The following TBC1D22A variants were observed in gnomAD, a reference collection of about 807,000 sequenced individuals.
TBC1D22A encodes the protein putative GTPase activator.
In TBC1D22A, 38 loss-of-function variants were observed where a neutral mutation model predicts 60.2. The ratio of observed to expected loss-of-function variants is 0.63; its 90% CI spans 0.49 to 0.83. The LOEUF is 0.83. Among genes scored for constraint, TBC1D22A ranks in the 40% least tolerant of loss-of-function variants. TBC1D22A has a pLI of 0.00. For missense variants in TBC1D22A, 628 were observed against 701.0 expected, an observed-to-expected ratio of 0.90 and a Z score of 1.18; for synonymous variants, 302 against 281.7, an observed-to-expected ratio of 1.07 and a Z score of -0.72.
At chr22:46,932,972 C>T (rs963656824) in intron 8 of TBC1D22A, among the ~76,000 whole-genome samples, 1 of 152,126 alleles carries the variant, frequency 6.6e-6, no homozygotes, top group African/African-American at 2.4e-5. Flanking sequence ...ATCCGCCTGC[C>T]TTGGCCTCCC....
rs139546374 is a variant in TBC1D22A, at chr22:46,874,722, T to C, written c.638-3931T>C. On this transcript the variant is annotated intron_variant, in intron 4 of 12. Coordinates refer to ENST00000337137, the MANE Select transcript of TBC1D22A (RefSeq NM_014346.5). Reference sequence around the variant, plus strand: ...CCAAGTAGCTGGGATTACAGGTGCATGCCACCACGCCTGGCTAATTTTTCT... The same window carrying C: ...CCAAGTAGCTGGGATTACAGGTGCACGCCACCACGCCTGGCTAATTTTTCT... 7.3e-4 allele frequency among the ~76,000 whole-genome samples: 111 copies of C among 151,852 alleles called. No homozygotes were observed. In the East Asian group the frequency reaches 0.019, roughly 25 times the overall value.
intron 11 of TBC1D22A, among the ~76,000 whole-genome samples, chr22:47,046,405 C>T (rs1267478656): frequency 6.6e-6 from 1 of 152,204 alleles, no homozygotes; most frequent in Non-Finnish European, 1.5e-5. Flanking sequence ...CTTTGGGCCC[C>T]AGAGTCCCTG....
intron 11 of TBC1D22A, among the ~76,000 whole-genome samples, chr22:47,069,909 GC>G (rs201274084): frequency 0.079 from 6,303 of 79,810 alleles, 403 homozygotes; most frequent in African/African-American, 0.13. Flanking sequence ...GACGGTTCCA[GC>G]GCTGTCCCCT....
chr22:47,148,596 C>T (rs568376840), intron 12 of TBC1D22A, among the ~76,000 whole-genome samples: 3 of 151,318 alleles, frequency 2.0e-5, no homozygotes, highest in Admixed American at 6.6e-5. Context: ...GGCTCCTCTC[C>T]TGGGGCCCTT....
At chr22:46,866,807 G>A (rs1433468058) in intron 4 of TBC1D22A, among the ~76,000 whole-genome samples, 2 of 152,224 alleles carry the variant, frequency 1.3e-5, no homozygotes, top group East Asian at 1.9e-4. Flanking sequence ...GGCTGTGCTA[G>A]TGCAGCAGGC....
chr22:47,144,489 C>T (rs2067219050), intron 12 of TBC1D22A, among the ~76,000 whole-genome samples: 1 of 152,272 alleles, frequency 6.6e-6, no homozygotes, highest in Non-Finnish European at 1.5e-5. Flanking sequence ...GTCTGTGTGA[C>T]TGCACCAGCG....
In TBC1D22A at chr22:46,766,179, G is replaced by C. The variant is rs1433958205; in HGVS notation, c.62+3331G>C. Among the ~76,000 whole-genome samples the C allele has an allele frequency of 2.0e-5, 3 of 151,588 alleles. No individual in the cohort carries two copies. In the South Asian group the frequency reaches 6.3e-4, roughly 32 times the overall value. On this transcript the variant is annotated intron_variant, in intron 1 of 12. Transcript: ENST00000337137. Reference sequence around the variant, plus strand: ...CACCTGGCTAATTTTTTATATTTTTGGTAGAGACGGGGTTTCACCGTGCTA... The same window carrying C: ...CACCTGGCTAATTTTTTATATTTTTCGTAGAGACGGGGTTTCACCGTGCTA...
intron 6 of TBC1D22A, among the ~76,000 whole-genome samples, chr22:46,891,789 A>T (rs1055759610): frequency 2.6e-5 from 4 of 152,102 alleles, no homozygotes; most frequent in Non-Finnish European, 5.9e-5. Context: ...CAGGACAGAG[A>T]GGTTGCCTGG....
intron 4 of TBC1D22A, among the ~76,000 whole-genome samples, chr22:46,871,197 C>T (rs2067278310): frequency 6.6e-6 from 1 of 152,076 alleles, no homozygotes; most frequent in Non-Finnish European, 1.5e-5. Context: ...GTGTATGTAC[C>T]AGCTTTACAA....
intron 4 of TBC1D22A, among the ~76,000 whole-genome samples, chr22:46,827,097 A>G (rs1198914831): frequency 1.3e-5 from 2 of 152,166 alleles, no homozygotes; most frequent in Non-Finnish European, 2.9e-5. Flanking sequence ...TGTTAAAATT[A>G]TCTTCACGAC....
intron 12 of TBC1D22A, among the ~76,000 whole-genome samples, chr22:47,146,064 C>T (rs1351958579): frequency 6.6e-6 from 1 of 151,684 alleles, no homozygotes; most frequent in Non-Finnish European, 1.5e-5. Flanking sequence ...CTGGCCTGTC[C>T]CGTGCTGTTC....
chr22:47,112,727 T>A (rs573744228), intron 12 of TBC1D22A, among the ~76,000 whole-genome samples: 5 of 152,198 alleles, frequency 3.3e-5, no homozygotes, highest in Admixed American at 6.5e-5. Context: ...CTCCTGCCTT[T>A]TTGTCAGTGT....
At chr22:47,081,919 A>G (rs954009084) in intron 11 of TBC1D22A, among the ~76,000 whole-genome samples, 5 of 152,174 alleles carry the variant, frequency 3.3e-5, no homozygotes, top group African/African-American at 1.2e-4. Context: ...GCACTTTGGG[A>G]GGCCGAGGCG....
chr22:46,763,473 C>T (rs2083182215), intron 1 of TBC1D22A: 2 of 125,264 alleles, frequency 1.6e-5, no homozygotes, highest in South Asian at 2.8e-4. Flanking sequence ...CTATACAGCT[C>T]CAGAGCTCCA....
Position 47,028,368 on chromosome 22 carries a change from T to C in TBC1D22A, c.1202-8703T>C, listed in dbSNP as rs1482467113. Reference sequence around the variant, plus strand: ...TCCCCCACGGCCCAGGTTCTGAGAGTGAGTGGTCGCATTCCTGTCCCTCGG... The same window carrying C: ...TCCCCCACGGCCCAGGTTCTGAGAGCGAGTGGTCGCATTCCTGTCCCTCGG... On this transcript the variant is annotated intron_variant, in intron 10 of 12. Transcript: ENST00000337137. The surrounding 1 kb of genome is among the most constrained non-coding windows in gnomAD (Gnocchi z 4.4). Among the ~76,000 whole-genome samples, 58 of 108,336 alleles carry C rather than the reference T, an allele frequency of 5.4e-4. No homozygotes were observed. Among genetic ancestry groups the C allele is most frequent in the South Asian group, 1.6e-3 (5 of 3,072 alleles). The allele number at this position is 108,336 out of a possible 152,430, so 71.1% of individuals were successfully genotyped here. A position where few individuals can be genotyped will look rare whatever the true frequency, so the allele number is the denominator to read the frequency against.
intron 12 of TBC1D22A, among the ~76,000 whole-genome samples, chr22:47,124,876 C>T (rs1056693502): frequency 1.3e-5 from 2 of 152,026 alleles, no homozygotes; most frequent in Admixed American, 6.5e-5. Context: ...GGAGGACAGG[C>T]GGGCAGAGGC....
chr22:47,129,302 C>T (rs1343958668), intron 12 of TBC1D22A, among the ~76,000 whole-genome samples: 2 of 152,192 alleles, frequency 1.3e-5, no homozygotes, highest in Admixed American at 6.5e-5. Context: ...CATGGTGAAA[C>T]CCTGTCTCTA....
chr22:46,951,397 C>T (rs539156448), intron 8 of TBC1D22A, among the ~76,000 whole-genome samples: 9 of 152,268 alleles, frequency 5.9e-5, no homozygotes, highest in African/African-American at 2.2e-4. Flanking sequence ...TGGGCCTTCA[C>T]AGTCAGTTTC....
intron 8 of TBC1D22A, among the ~76,000 whole-genome samples, chr22:46,966,400 G>C (rs1246447106): frequency 6.6e-6 from 1 of 152,152 alleles, no homozygotes; most frequent in African/African-American, 2.4e-5. Context: ...ACATGGGCAC[G>C]GCCTCTCTTC....
Sources: allele counts gnomAD v4.1 joint callset (sites outside exome capture counted in the v4.1 genomes callset), GRCh38; gene constraint gnomAD v4.1.1; non-coding constraint Gnocchi (gnomAD v3.1); transcripts MANE v1.5; gene names NCBI Gene and HGNC (gene_info 2026-07-23, HGNC 2026-07-21).